PHF24: variants seen among roughly 807,000 people sequenced by gnomAD.
PHF24 encodes the protein Galpha inhibitory interacting protein.
Under a neutral mutation model 42.6 loss-of-function variants are expected in PHF24, and 25 were observed. That is an observed-to-expected ratio of 0.59 (90% CI 0.43 to 0.82). The LOEUF (loss-of-function observed/expected upper bound fraction) is 0.82, where lower values mean the gene tolerates loss of function less well. Among genes scored for constraint, PHF24 ranks in the 40% least tolerant of loss-of-function variants. PHF24 has a pLI of 0.00. For synonymous variants in PHF24, 185 were observed against 204.8 expected (o/e 0.90, Z 0.83); for missense variants, 470 against 538.1 (o/e 0.87, Z 1.25).
upstream of PHF24, among the ~76,000 whole-genome samples, chr9:34,957,994 C>G (rs1402594688): frequency 1.3e-5 from 2 of 151,290 alleles, no homozygotes; most frequent in South Asian, 4.1e-4. Flanking sequence ...CGCCCACGGG[C>G]ACCTGGGCCG....
chr9:34,835,826 T>A, the PHF24 span: 1 of 1,450,666 alleles, frequency 6.9e-7, no homozygotes, highest in Non-Finnish European at 9.5e-7. Context: ...TCTCTGATAT[T>A]TCTGGAATGG....
At chr9:34,961,777 T>G (rs1276935946) in intron 1 of PHF24, among the ~76,000 whole-genome samples, 2 of 152,048 alleles carry the variant, frequency 1.3e-5, no homozygotes, top group East Asian at 1.9e-4. Flanking sequence ...ATTTTTGCCT[T>G]CCTTATGATA....
the PHF24 span, among the ~76,000 whole-genome samples, chr9:34,901,831 T>C: frequency 1.3e-5 from 2 of 152,242 alleles, no homozygotes; most frequent in Non-Finnish European, 2.9e-5. Flanking sequence ...GCTCTGTCAC[T>C]GTAAAAGCTT....
chr9:34,927,656 C>T, the PHF24 span, among the ~76,000 whole-genome samples: 2 of 152,148 alleles, frequency 1.3e-5, no homozygotes, highest in Non-Finnish European at 2.9e-5. Flanking sequence ...ACTCTGGGCA[C>T]ATCCAATCCA....
the PHF24 span, among the ~76,000 whole-genome samples, chr9:34,862,516 T>C: frequency 6.6e-6 from 1 of 152,082 alleles, no homozygotes; most frequent in Admixed American, 6.6e-5. Context: ...CCCTAGTTCC[T>C]GGACAACATT....
chr9:34,921,354 A>T, the PHF24 span, among the ~76,000 whole-genome samples: 1 of 150,460 alleles, frequency 6.6e-6, no homozygotes, highest in Non-Finnish European at 1.5e-5. Context: ...TTAGGCAAGT[A>T]TCAAAAAAAA....
At chr9:34,695,697 T>C in the PHF24 span, among the ~76,000 whole-genome samples, 3 of 152,212 alleles carry the variant, frequency 2.0e-5, no homozygotes, top group Non-Finnish European at 2.9e-5. Flanking sequence ...ACTGAGGAAC[T>C]GTCTGCCAGA....
At chr9:34,833,366 G>C in the PHF24 span, 1 of 1,550,926 alleles carries the variant, frequency 6.4e-7, no homozygotes, top group South Asian at 1.2e-5. Context: ...TTTGGAATTG[G>C]ATTGCTTTTG....
chr9:34,936,774 G>A, the PHF24 span, among the ~76,000 whole-genome samples: 70 of 149,528 alleles, frequency 4.7e-4, 1 homozygote, highest in Middle Eastern at 0.011. Context: ...CCGTCTGGGA[G>A]GTGAGGACCG....
chr9:34,792,720 C>T, the PHF24 span, among the ~76,000 whole-genome samples: 6 of 151,690 alleles, frequency 4.0e-5, no homozygotes, highest in African/African-American at 1.5e-4. Context: ...ACACTTTTTA[C>T]ATTCATCTTA....
At chr9:34,810,910 A>G in the PHF24 span, among the ~76,000 whole-genome samples, 1 of 152,178 alleles carries the variant, frequency 6.6e-6, no homozygotes, top group Middle Eastern at 3.2e-3. Context: ...TAAAGGAAAG[A>G]TAGGAGATTT....
At chr9:34,918,247 C>T in the PHF24 span, 130 of 1,485,692 alleles carry the variant, frequency 8.8e-5, no homozygotes, top group African/African-American at 4.1e-4. Context: ...CTCATCCGCA[C>T]GTGTCTTCTC....
exon 3 of PHF24, chr9:34,972,519 C>T: frequency 6.2e-7 from 1 of 1,610,110 alleles, no homozygotes; most frequent in Admixed American, 1.7e-5. Flanking sequence ...CAGGCTGGAG[C>T]TGCCACTACT....
the PHF24 span, among the ~76,000 whole-genome samples, chr9:34,903,001 T>C: frequency 6.6e-6 from 1 of 152,156 alleles, no homozygotes; most frequent in African/African-American, 2.4e-5. Context: ...TGAGCAGCAT[T>C]ACCCAGTGCC....
At chr9:34,766,484 T>C in the PHF24 span, among the ~76,000 whole-genome samples, 1 of 152,348 alleles carries the variant, frequency 6.6e-6, no homozygotes, top group African/African-American at 2.4e-5. Context: ...TTCTTCCAGA[T>C]GGTCTCATCA....
the PHF24 span, among the ~76,000 whole-genome samples, chr9:34,923,088 T>G: frequency 2.0e-5 from 3 of 152,046 alleles, no homozygotes; most frequent in African/African-American, 7.2e-5. Flanking sequence ...ATGTTGAATT[T>G]TATCAAATGC....
the PHF24 span, among the ~76,000 whole-genome samples, chr9:34,858,263 G>A: frequency 6.6e-6 from 1 of 152,116 alleles, no homozygotes; most frequent in Non-Finnish European, 1.5e-5. Flanking sequence ...AATCTTTGCT[G>A]ACTGGCTTTG....
At chr9:34,726,960 C>T in the PHF24 span, 2 of 1,550,304 alleles carry the variant, frequency 1.3e-6, no homozygotes, top group Non-Finnish European at 8.7e-7. Context: ...ATTCGCCGCA[C>T]ACTTCTCTCC....
the PHF24 span, among the ~76,000 whole-genome samples, chr9:34,933,987 C>T: frequency 1.3e-5 from 2 of 151,820 alleles, no homozygotes; most frequent in African/African-American, 4.8e-5. Flanking sequence ...TCAAGTGATC[C>T]GCCTGCCTCA....
Sources: gnomAD v4.1 joint callset for allele counts (sites outside exome capture counted in the v4.1 genomes callset) on GRCh38, gnomAD v4.1.1 for gene constraint, MANE v1.5 for transcripts, NCBI Gene and HGNC (gene_info 2026-07-23, HGNC 2026-07-21) for gene names.